GRIK2: variants seen among roughly 807,000 people sequenced by gnomAD.
GRIK2 encodes glutamate receptor ionotropic, kainate 2.
GRIK2 carries 32 observed loss-of-function variants against 100.3 expected under a neutral mutation model. The ratio of observed to expected loss-of-function variants is 0.32; its 90% CI spans 0.24 to 0.43. The LOEUF is 0.43. Among genes scored for constraint, GRIK2 ranks in the 20% least tolerant of loss-of-function variants. The pLI, the probability that GRIK2 is intolerant of heterozygous loss-of-function variation, is 1.00. For missense variants in GRIK2, 843 were observed against 1,114.9 expected (o/e 0.76, Z 3.47); for synonymous variants, 417 against 389.4 (o/e 1.07, Z -0.83).
chr6:101,531,985 C>T (rs2023610), intron 2 of GRIK2, among the ~76,000 whole-genome samples: 1 of 151,916 alleles, frequency 6.6e-6, no homozygotes, highest in Non-Finnish European at 1.5e-5. Flanking sequence ...TCCCAAAGCC[C>T]ATTAGAAAAC....
intron 7 of GRIK2, among the ~76,000 whole-genome samples, chr6:101,710,277 A>G (rs1773605280): frequency 6.6e-6 from 1 of 151,810 alleles, no homozygotes; most frequent in Non-Finnish European, 1.5e-5. Context: ...GGGGATTGGC[A>G]GTCAGAAGCC....
chr6:101,707,769 A>T (rs1773442029), intron 7 of GRIK2, among the ~76,000 whole-genome samples: 1 of 151,460 alleles, frequency 6.6e-6, no homozygotes, highest in South Asian at 2.1e-4. Context: ...TTTGATGTAT[A>T]GTCTTTGATT....
intron 7 of GRIK2, among the ~76,000 whole-genome samples, chr6:101,732,672 C>T (rs979232352): frequency 6.6e-6 from 1 of 152,040 alleles, no homozygotes; most frequent in East Asian, 1.9e-4. Context: ...TGGAAAGAAG[C>T]GTGTCTAAAT....
At chr6:101,747,103 A>G (rs1776465600) in intron 7 of GRIK2, among the ~76,000 whole-genome samples, 2 of 152,184 alleles carry the variant, frequency 1.3e-5, no homozygotes, top group Non-Finnish European at 2.9e-5. Context: ...TAAGTCACAA[A>G]TCCCCACCAA....
chr6:101,575,193 T>C (rs1777738226), intron 2 of GRIK2, among the ~76,000 whole-genome samples: 1 of 151,896 alleles, frequency 6.6e-6, no homozygotes, highest in Non-Finnish European at 1.5e-5. Context: ...AAAAATTAAG[T>C]TCCTCTATGA....
chr6:102,015,861 G>C (rs1795808472), intron 14 of GRIK2, among the ~76,000 whole-genome samples: 1 of 152,242 alleles, frequency 6.6e-6, no homozygotes, highest in South Asian at 2.1e-4. Flanking sequence ...TCCCCAATCA[G>C]ATTTAGAAAA....
intron 15 of GRIK2, among the ~76,000 whole-genome samples, chr6:102,042,376 C>T (rs1770635384): frequency 6.6e-6 from 1 of 151,632 alleles, no homozygotes; most frequent in Non-Finnish European, 1.5e-5. Flanking sequence ...CATAAATCAT[C>T]TTTCTTTTTT....
intron 7 of GRIK2, among the ~76,000 whole-genome samples, chr6:101,741,607 G>T (rs1776036630): frequency 6.6e-6 from 1 of 152,236 alleles, no homozygotes; most frequent in South Asian, 2.1e-4. Flanking sequence ...TGGGCTTTTT[G>T]ATGCTAATGA....
At chr6:101,414,440 G>A (rs1437202023) in intron 2 of GRIK2, among the ~76,000 whole-genome samples, 3 of 152,128 alleles carry the variant, frequency 2.0e-5, no homozygotes, top group Admixed American at 1.3e-4. Context: ...TAAGTGTTTA[G>A]TTACTGTATT....
chr6:101,675,306 C>CCACACACA (rs3056135), intron 4 of GRIK2, among the ~76,000 whole-genome samples: 1,765 of 149,284 alleles, frequency 0.012, 22 homozygotes, highest in Admixed American at 0.034. Context: ...CACACACACA[C>CCACACACA]CACACACACA....
intron 2 of GRIK2, among the ~76,000 whole-genome samples, chr6:101,440,978 T>A (rs1442547331): frequency 6.6e-6 from 1 of 151,816 alleles, no homozygotes; most frequent in Non-Finnish European, 1.5e-5. Flanking sequence ...CTGAATTTTT[T>A]TTTTTTTTTT....
chr6:101,996,690 T>G (rs1386648385), intron 14 of GRIK2, among the ~76,000 whole-genome samples: 1 of 152,098 alleles, frequency 6.6e-6, no homozygotes, highest in Non-Finnish European at 1.5e-5. Flanking sequence ...CTGATGTACT[T>G]TATTCAAGAA....
intron 14 of GRIK2, among the ~76,000 whole-genome samples, chr6:102,017,951 C>A (rs956775051): frequency 6.6e-6 from 1 of 152,124 alleles, no homozygotes; most frequent in Non-Finnish European, 1.5e-5. Flanking sequence ...CCATTAAAGG[C>A]CATAGAAAAA....
chr6:101,566,417 A>G (rs1374941256), intron 2 of GRIK2, among the ~76,000 whole-genome samples: 1 of 152,076 alleles, frequency 6.6e-6, no homozygotes, highest in Non-Finnish European at 1.5e-5. Context: ...ACATAAAAAC[A>G]TCTAGCTGTA....
intron 7 of GRIK2, among the ~76,000 whole-genome samples, chr6:101,702,912 T>C (rs1388626624): frequency 6.6e-6 from 1 of 151,894 alleles, no homozygotes; most frequent in African/African-American, 2.4e-5. Flanking sequence ...ACTGATAGGT[T>C]GCCTTTCTTT....
intron 14 of GRIK2, among the ~76,000 whole-genome samples, chr6:101,961,589 T>G (rs1361972423): frequency 6.6e-6 from 1 of 152,102 alleles, no homozygotes; most frequent in Non-Finnish European, 1.5e-5. Flanking sequence ...CTCCCTGACA[T>G]AGCCTAGCAC....
chr6:101,644,730 A>G (rs1009204393), intron 4 of GRIK2, among the ~76,000 whole-genome samples: 1 of 151,824 alleles, frequency 6.6e-6, no homozygotes, highest in Non-Finnish European at 1.5e-5. Flanking sequence ...GAACATTAAA[A>G]GGTTATTAAG....
At chr6:101,830,642 A>G (rs895665546) in intron 10 of GRIK2, among the ~76,000 whole-genome samples, 12 of 151,996 alleles carry the variant, frequency 7.9e-5, no homozygotes, top group Admixed American at 7.9e-4. Flanking sequence ...AGAGAAATGC[A>G]AATCAAAACC....
intron 7 of GRIK2, among the ~76,000 whole-genome samples, chr6:101,778,960 T>C (rs1453419453): frequency 6.6e-6 from 1 of 152,100 alleles, no homozygotes; most frequent in Non-Finnish European, 1.5e-5. Context: ...CACATATAAA[T>C]ATTTTAACTA....
Sources: gnomAD v4.1 joint callset for allele counts (sites outside exome capture counted in the v4.1 genomes callset) on GRCh38, gnomAD v4.1.1 for gene constraint, MANE v1.5 for transcripts, NCBI Gene and HGNC (gene_info 2026-07-23, HGNC 2026-07-21) for gene names.